MARCHF1: variants seen among roughly 807,000 people sequenced by gnomAD.
MARCHF1 encodes the protein membrane associated ring-CH-type finger 1.
A neutral mutation model predicts 54.2 loss-of-function variants in MARCHF1; 40 were observed. The observed-to-expected ratio is 0.74, with a 90% CI of 0.57 to 0.96. The LOEUF (loss-of-function observed/expected upper bound fraction) is 0.96, where lower values mean the gene tolerates loss of function less well. MARCHF1 is among the 40% of genes least tolerant of loss of function. The pLI, the probability that MARCHF1 is intolerant of heterozygous loss-of-function variation, is 0.00. For missense variants in MARCHF1, 586 were observed against 656.5 expected (o/e 0.89, Z 1.17); for synonymous variants, 236 against 236.3 (o/e 1.00, Z 0.01).
chr4:164,064,042 C>T (rs1456526434), intron 2 of MARCHF1, among the ~76,000 whole-genome samples: 2 of 152,158 alleles, frequency 1.3e-5, no homozygotes, highest in African/African-American at 2.4e-5. Context: ...GTACCAGTAC[C>T]ATGCTGTTTT....
In MARCHF1 at chr4:163,877,982, C is replaced by G. The variant is rs116412393; in HGVS notation, c.-38-23813G>C. Among the ~76,000 whole-genome samples the G allele has an allele frequency of 4.1e-3, 631 of 152,280 alleles. 5 individuals are homozygous for G. The highest frequency in any genetic ancestry group is 0.015 in the African/African-American group (604 of 41,570). On this transcript the variant is annotated intron_variant, in intron 3 of 9. Coordinates refer to ENST00000514618, the MANE Select transcript of MARCHF1 (RefSeq NM_001394959.1). ...ATAGAGAGAGGGGAAAACAAACACA[C>G]GCTTTCAAACATGGATTCGTGAGAC...
chr4:163,660,812 C>G (rs1743321408), intron 5 of MARCHF1, among the ~76,000 whole-genome samples: 1 of 151,860 alleles, frequency 6.6e-6, no homozygotes, highest in African/African-American at 2.4e-5. Context: ...TTATTTTGAG[C>G]CTATTAAAGA....
At chr4:163,956,935 A>T (rs562692954) in intron 3 of MARCHF1, among the ~76,000 whole-genome samples, 1 of 152,212 alleles carries the variant, frequency 6.6e-6, no homozygotes, top group Admixed American at 6.5e-5. Flanking sequence ...ATCCTCACTT[A>T]ACTCAGAAGA....
chr4:164,218,642 T>C (rs548615000), intron 1 of MARCHF1, among the ~76,000 whole-genome samples: 29 of 136,504 alleles, frequency 2.1e-4, no homozygotes, highest in African/African-American at 7.5e-4. Flanking sequence ...TAGGTGGGAA[T>C]TGAACAATGG....
At chr4:164,300,731 G>C (rs2111393978) in intron 1 of MARCHF1, among the ~76,000 whole-genome samples, 1 of 152,286 alleles carries the variant, frequency 6.6e-6, no homozygotes, top group Middle Eastern at 3.4e-3. Context: ...TCTAGAGACA[G>C]GGTTGTGCCA....
In MARCHF1 at chr4:163,886,164, GATCTATATATCTATAGATATGA is replaced by G. The variant is rs1750527642; in HGVS notation, c.-38-32017_-38-31996del. On this transcript the variant is annotated intron_variant, in intron 3 of 9. Transcript: ENST00000514618. ...CTATAAATATGTAGATCTATAAATA[GATCTATATATCTATAGATATGA>G]ATCTATAGATCTATCTCTCAATATA... Among the ~76,000 whole-genome samples the G allele has an allele frequency of 2.7e-5, 4 of 149,046 alleles. No homozygotes were observed. In the South Asian group the frequency reaches 8.4e-4, roughly 31 times the overall value.
chr4:163,714,099 C>G (rs1172964969), intron 4 of MARCHF1, among the ~76,000 whole-genome samples: 1 of 152,164 alleles, frequency 6.6e-6, no homozygotes, highest in Non-Finnish European at 1.5e-5. Flanking sequence ...GTTATTCTTT[C>G]ACTGGGTTTT....
intron 1 of MARCHF1, among the ~76,000 whole-genome samples, chr4:164,344,543 T>A (rs574298370): frequency 1.3e-5 from 2 of 152,130 alleles, no homozygotes; most frequent in South Asian, 4.2e-4. Flanking sequence ...ACTGATAAAA[T>A]TTGATTTTTT....
chr4:164,075,880 A>G (rs1391506617), intron 2 of MARCHF1, among the ~76,000 whole-genome samples: 1 of 152,184 alleles, frequency 6.6e-6, no homozygotes, highest in Non-Finnish European at 1.5e-5. Context: ...ATATGCATAT[A>G]GGAGCCTATA....
rs1738119299 is a variant in MARCHF1, at chr4:163,526,741, A to C, written c.*2007T>G. The C allele has an allele frequency of 6.6e-6, 1 of 152,004 alleles. No individual in the cohort carries two copies. The highest frequency in any genetic ancestry group is 2.1e-4 in the South Asian group (1 of 4,826). The allele number at this position is 152,004 out of a possible 1,614,324, so 9.4% of individuals were successfully genotyped here. On this transcript the variant is annotated 3_prime_UTR_variant, in exon 10 of 10. Transcript: ENST00000514618. Reference sequence around the variant, plus strand: ...CCTCAACTTTGCTTTCCCTGTGCTTATAACAAGTTTTAAGAAAGATGAGTT... The same window carrying C: ...CCTCAACTTTGCTTTCCCTGTGCTTCTAACAAGTTTTAAGAAAGATGAGTT...
intron 5 of MARCHF1, among the ~76,000 whole-genome samples, chr4:163,684,495 A>G (rs1272738751): frequency 1.2e-4 from 18 of 152,186 alleles, no homozygotes; most frequent in Non-Finnish European, 7.3e-5. Flanking sequence ...GAGCACTACC[A>G]TTTGTTCTTT....
At chr4:164,183,239 ACT>A (rs1192628033) in intron 1 of MARCHF1, among the ~76,000 whole-genome samples, 1 of 152,044 alleles carries the variant, frequency 6.6e-6, no homozygotes, top group African/African-American at 2.4e-5. Context: ...AATTCAATTC[ACT>A]CTACATAATC....
intron 2 of MARCHF1, among the ~76,000 whole-genome samples, chr4:164,105,326 G>C (rs1244369959): frequency 7.0e-6 from 1 of 143,490 alleles, no homozygotes; most frequent in African/African-American, 2.6e-5. Context: ...TAAGCCAAAA[G>C]AACAAAGCTG....
chr4:164,343,368 CAGTTAAAG>C (rs1324426410), intron 1 of MARCHF1, among the ~76,000 whole-genome samples: 2 of 152,064 alleles, frequency 1.3e-5, no homozygotes, highest in Non-Finnish European at 2.9e-5. Flanking sequence ...AAATGGGACT[CAGTTAAAG>C]AGTTTCTGCA....
chr4:164,073,590 AC>A (rs1270308596), intron 2 of MARCHF1, among the ~76,000 whole-genome samples: 2 of 152,092 alleles, frequency 1.3e-5, no homozygotes, highest in Non-Finnish European at 1.5e-5. Context: ...GCACATGCAT[AC>A]CTATATAACA....
At chr4:163,830,447 G>A (rs1748986527) in intron 4 of MARCHF1, among the ~76,000 whole-genome samples, 2 of 152,266 alleles carry the variant, frequency 1.3e-5, no homozygotes, top group South Asian at 2.1e-4. Context: ...GGAAAGAAAT[G>A]TTGGGGCTCT....
intron 1 of MARCHF1, among the ~76,000 whole-genome samples, chr4:164,137,841 A>G (rs995577298): frequency 6.6e-6 from 1 of 152,230 alleles, no homozygotes. Flanking sequence ...AAATACACAT[A>G]GAAATGATAA....
At chr4:164,008,495 T>C (rs1753344431) in intron 2 of MARCHF1, among the ~76,000 whole-genome samples, 1 of 152,074 alleles carries the variant, frequency 6.6e-6, no homozygotes, top group Admixed American at 6.5e-5. Context: ...CTAACTGGCA[T>C]TTACATAACA....
intron 1 of MARCHF1, among the ~76,000 whole-genome samples, chr4:164,228,402 T>C (rs140258869): frequency 6.6e-6 from 1 of 152,344 alleles, no homozygotes; most frequent in Non-Finnish European, 1.5e-5. Flanking sequence ...TAAGTAGCTT[T>C]ATTCTTGGTT....
Sources: allele counts gnomAD v4.1 joint callset (sites outside exome capture counted in the v4.1 genomes callset), GRCh38; gene constraint gnomAD v4.1.1; transcripts MANE v1.5; gene names NCBI Gene and HGNC (gene_info 2026-07-23, HGNC 2026-07-21).